The following SFXN4 variants were observed in gnomAD, a reference collection of about 807,000 sequenced individuals.
SFXN4 encodes the protein sideroflexin-4.
SFXN4 carries 48 observed loss-of-function variants against 54.6 expected under a neutral mutation model. The observed-to-expected ratio is 0.88, with a 90% CI of 0.70 to 1.12. The LOEUF (loss-of-function observed/expected upper bound fraction) is 1.12, where lower values mean the gene tolerates loss of function less well. Ranked by LOEUF, SFXN4 falls within the 50% of genes most tolerant of loss-of-function variation. SFXN4 has a pLI of 0.00. For missense variants in SFXN4, 383 were observed against 409.2 expected (o/e 0.94, Z 0.55); for synonymous variants, 130 against 145.5 (o/e 0.89, Z 0.77).
At chr10:119,153,625 C>T (rs1238142693) in intron 11 of SFXN4, among the ~76,000 whole-genome samples, 1 of 152,168 alleles carries the variant, frequency 6.6e-6, no homozygotes, top group African/African-American at 2.4e-5. Flanking sequence ...GGGGTGTCCA[C>T]TGACCTCTGT....
At chr10:119,154,089 A>G (rs1847180940) in intron 11 of SFXN4, among the ~76,000 whole-genome samples, 1 of 151,658 alleles carries the variant, frequency 6.6e-6, no homozygotes, top group Admixed American at 6.6e-5. Context: ...GAGGGAGGAG[A>G]ATCGCTTGAA....
chr10:119,161,437 C>CAAAAAAAAAAAAAAAAAAACCAA (rs1554888747), intron 3 of SFXN4, among the ~76,000 whole-genome samples: 2 of 119,832 alleles, frequency 1.7e-5, no homozygotes, highest in Non-Finnish European at 3.4e-5. Context: ...CAAAAAAAAA[C>CAAAAAAAAAAAAAAAAAAACCAA]AAAAAAAAAA....
intron 10 of SFXN4, among the ~76,000 whole-genome samples, chr10:119,155,486 C>T (rs1211840719): frequency 2.0e-5 from 3 of 152,062 alleles, no homozygotes; most frequent in Non-Finnish European, 4.4e-5. Context: ...ATTCCTCCCT[C>T]GTCTTTGCTT....
chr10:119,147,615 C>T (rs1295654427), intron 12 of SFXN4, among the ~76,000 whole-genome samples, 160 bp downstream of exon 12: 2 of 152,154 alleles, frequency 1.3e-5, no homozygotes, highest in African/African-American at 2.4e-5. Flanking sequence ...CGGATTTCCA[C>T]GCCTGCCACA....
At chr10:119,163,220 C>G (rs912194543) in intron 2 of SFXN4, among the ~76,000 whole-genome samples, 5 of 147,144 alleles carry the variant, frequency 3.4e-5, no homozygotes, top group African/African-American at 1.2e-4. Flanking sequence ...AATTTTATTA[C>G]ATTTTCTTTC....
chr10:119,142,689 T>C (rs1215000788), intron 13 of SFXN4, among the ~76,000 whole-genome samples: 1 of 148,904 alleles, frequency 6.7e-6, no homozygotes, highest in Non-Finnish European at 1.5e-5. Context: ...TAGCTGGGAC[T>C]ACAGGCACCC....
At chr10:119,143,250 A>G (rs570026406) in intron 13 of SFXN4, among the ~76,000 whole-genome samples, 231 of 152,072 alleles carry the variant, frequency 1.5e-3, no homozygotes, top group African/African-American at 4.7e-3. Context: ...GTGCCCATTC[A>G]GCCCTTCCCA....
chr10:119,160,943 G>T lies in SFXN4; in HGVS notation c.306C>A (p.Asn102Lys). The T allele has an allele frequency of 1.2e-6, 2 of 1,614,128 alleles. No individual in the cohort carries two copies. The highest frequency in any genetic ancestry group is 1.7e-6 in the Non-Finnish European group (2 of 1,180,018). Reference sequence around the variant, plus strand: ...CAGGTCGAAAAAGCTTGGGGATCAGGTTGCTGCTGTCGGGATGCACTGTTG... The same window carrying T: ...CAGGTCGAAAAAGCTTGGGGATCAGTTTGCTGCTGTCGGGATGCACTGTTG... Reference protein sequence around the residue: ...SLATVHPDSSNLIPKLFRPAA... With the variant: ...SLATVHPDSSKLIPKLFRPAA... The change falls in exon 5 of 14, where the codon AAC (asparagine) becomes AAA (lysine). Residue 102 changes from asparagine to lysine, a missense_variant. Asn to Lys is a moderately conservative substitution (Grantham distance 94). Coordinates refer to ENST00000355697, the MANE Select transcript of SFXN4 (RefSeq NM_213649.2).
chr10:119,165,614 C>T lies in SFXN4; in HGVS notation c.34G>A (p.Gly12Arg). ...SLEQEEETQP[G>R]RLLGRRDAVP... ...GCGTCTCTGCGTCCTAGGAGCCGCC[C>T]AGGTTGCGTTTCCTCCTCCTGTTCC... is the stretch of plus-strand genomic sequence containing the variant. The change falls in exon 1 of 14, where the codon GGG becomes AGG. Residue 12 changes from glycine to arginine, a missense_variant. Physicochemically the swap from Gly to Arg is moderately radical, Grantham distance 125. Transcript: ENST00000355697. The T allele has an allele frequency of 6.3e-7, 1 of 1,593,096 alleles. No individual in the cohort carries two copies. Among genetic ancestry groups the T allele is most frequent in the Non-Finnish European group, 8.5e-7 (1 of 1,171,690 alleles).
intron 1 of SFXN4, 132 bp from the exon 2 acceptor site, chr10:119,164,328 T>C (rs940571591): frequency 1.7e-6 from 1 of 579,272 alleles, no homozygotes; most frequent in Admixed American, 3.7e-5. Flanking sequence ...ACTGGCATCA[T>C]CTCCTGGGAT....
chr10:119,165,083 T>A, intron 1 of SFXN4: 1 of 356,310 alleles, frequency 2.8e-6, no homozygotes, highest in Non-Finnish European at 3.9e-6. Context: ...AAGGCTCACA[T>A]CATATTTCTA....
chr10:119,160,423 G>A (rs1847473823), intron 5 of SFXN4, among the ~76,000 whole-genome samples: 1 of 150,648 alleles, frequency 6.6e-6, no homozygotes, highest in Admixed American at 6.6e-5. Context: ...GCTGAGGCAG[G>A]AGAAATCACT....
chr10:119,149,376 CA>C (rs1430763872), intron 11 of SFXN4, among the ~76,000 whole-genome samples: 1 of 152,186 alleles, frequency 6.6e-6, no homozygotes, highest in Non-Finnish European at 1.5e-5. Flanking sequence ...GGGTGACAGT[CA>C]CGCTTGCATG....
chr10:119,142,726 A>ATTTTTTTTTT (rs573311460), intron 13 of SFXN4, among the ~76,000 whole-genome samples: 2 of 77,444 alleles, frequency 2.6e-5, no homozygotes, highest in South Asian at 4.5e-4. Flanking sequence ...AATGTTTTGA[A>ATTTTTTTTTT]TTTTTTTTTT....
At chr10:119,150,279 A>C (rs1170486886) in intron 11 of SFXN4, among the ~76,000 whole-genome samples, 1 of 151,942 alleles carries the variant, frequency 6.6e-6, no homozygotes, top group African/African-American at 2.4e-5. Flanking sequence ...TTTCCGCTGG[A>C]GGCTGGGGCT....
chr10:119,155,270 C>T (rs1847236260), intron 10 of SFXN4, 93 bp from the exon 11 acceptor site: 2 of 865,982 alleles, frequency 2.3e-6, no homozygotes, highest in Non-Finnish European at 1.9e-6. Context: ...CCCTGCAAGC[C>T]TCTTTCTCTG....
chr10:119,163,850 A>C (rs1847652454), intron 2 of SFXN4, among the ~76,000 whole-genome samples: 1 of 151,528 alleles, frequency 6.6e-6, no homozygotes, highest in South Asian at 2.1e-4. Context: ...GACCAGCCTG[A>C]CCAACATGGA....
At position 119,160,926 on chromosome 10, in the gene SFXN4, A is replaced by G; in HGVS notation, c.323T>C (p.Phe108Ser). 1 of 1,614,090 alleles carries G rather than the reference A, an allele frequency of 6.2e-7. No individual in the cohort carries two copies. The highest frequency in any genetic ancestry group is 2.2e-5 in the East Asian group (1 of 44,870). Residue 108 changes from phenylalanine (F) to serine (S), a missense_variant, in exon 5 of 14, where the codon TTT becomes TCT. Physicochemically the swap from Phe to Ser is radical, Grantham distance 155. Transcript: ENST00000355697. Reference protein sequence around the residue: ...PDSSNLIPKLFRPAAFLPFMA... With the variant: ...PDSSNLIPKLSRPAAFLPFMA... The stretch of plus-strand genomic sequence containing the variant: ...TAGAACCAACTCACCTGCAGGTCGA[A>G]AAAGCTTGGGGATCAGGTTGCTGCT...
intron 1 of SFXN4, 98 bp downstream of exon 1, chr10:119,165,439 G>A (rs994927452): frequency 5.9e-6 from 8 of 1,356,560 alleles, no homozygotes; most frequent in Admixed American, 8.1e-5. Flanking sequence ...GACAGGGGGC[G>A]CCCACGTGGC....
Sources: allele counts gnomAD v4.1 joint callset (sites outside exome capture counted in the v4.1 genomes callset), GRCh38; gene constraint gnomAD v4.1.1; transcripts MANE v1.5; gene names NCBI Gene and HGNC (gene_info 2026-07-23, HGNC 2026-07-21).